The following ATP8B1 variants were observed in gnomAD, a reference collection of about 807,000 sequenced individuals.
The protein encoded by ATP8B1 is phospholipid-transporting ATPase IC.
A neutral mutation model predicts 149.9 loss-of-function variants in ATP8B1; 80 were observed. The observed-to-expected ratio is 0.53, with a 90% CI of 0.45 to 0.64. ATP8B1 has a LOEUF of 0.64. ATP8B1 is among the 30% of genes least tolerant of loss of function. The pLI, the probability that ATP8B1 is intolerant of heterozygous loss-of-function variation, is 0.00. For missense variants in ATP8B1, 1,247 were observed against 1,552.6 expected (o/e 0.80, Z 3.31); for synonymous variants, 536 against 562.8 (o/e 0.95, Z 0.67).
Position 57,648,647 on chromosome 18 carries a change from G to A in ATP8B1, c.3597C>T (p.Arg1199=). Residue 1199 remains arginine (R), a synonymous_variant, in exon 28 of 28, where the codon CGC becomes CGT. Transcript: ENST00000648908. ...EQWQRRQQVF[R]RGVSTRRSAY... ...CCGAGCGCCGCGTTGACACGCCCCGGCGGAACACCTGCTGCCGTCGCTGCC... is the reference window on the plus strand; with the variant it reads ...CCGAGCGCCGCGTTGACACGCCCCGACGGAACACCTGCTGCCGTCGCTGCC... 1 of 1,592,856 alleles carries A rather than the reference G, an allele frequency of 6.3e-7. No homozygotes were observed.
At chr18:57,662,238 A>C (rs1366646635) in intron 21 of ATP8B1, among the ~76,000 whole-genome samples, 1 of 152,248 alleles carries the variant, frequency 6.6e-6, no homozygotes, top group African/African-American at 2.4e-5. Flanking sequence ...AAAATCTAAC[A>C]ATCTATAAAG....
Position 57,685,120 on chromosome 18 carries a change from GAAAC to G in ATP8B1, c.1430-9_1430-6del. 3 of 1,614,144 alleles carry G rather than the reference GAAAC, an allele frequency of 1.9e-6. No individual in the cohort carries two copies. The African/African-American group carries it at 4.0e-5, about 22-fold the overall frequency. On this transcript the variant is annotated splice_polypyrimidine_tract_variant and splice_region_variant and intron_variant, in intron 13 of 27. Coordinates refer to ENST00000648908, the MANE Select transcript of ATP8B1 (RefSeq NM_001374385.1). ...GAGAGGCATCCCGATGGTCCCCTGA[GAAAC>G]AAACAGGACAAAACAAATTGATTCT...
intron 6 of ATP8B1, among the ~76,000 whole-genome samples, chr18:57,699,033 G>T (rs973064577): frequency 6.6e-6 from 1 of 152,160 alleles, no homozygotes; most frequent in African/African-American, 2.4e-5. Flanking sequence ...TTAAATTAAC[G>T]TAGTCAACTG....
At chr18:57,651,905 A>C in intron 26 of ATP8B1, 129 bp downstream of exon 26, 1 of 1,206,912 alleles carries the variant, frequency 8.3e-7, no homozygotes, top group Non-Finnish European at 1.2e-6. Flanking sequence ...AAATGCTGGG[A>C]TTACAGGTGT....
At chr18:57,732,365 GTA>G (rs373040636) in intron 1 of ATP8B1, among the ~76,000 whole-genome samples, 7 of 132,772 alleles carry the variant, frequency 5.3e-5, no homozygotes, top group African/African-American at 7.9e-5. Context: ...GTATATATAT[GTA>G]TATATATATT....
chr18:57,652,788 T>A, intron 24 of ATP8B1, 59 bp from the exon 25 acceptor site: 1 of 1,608,872 alleles, frequency 6.2e-7, no homozygotes, highest in South Asian at 1.1e-5. Flanking sequence ...GTCAGAGATA[T>A]GTTATAATTA....
chr18:57,743,566 C>T (rs2079938293), intron 1 of ATP8B1, among the ~76,000 whole-genome samples: 1 of 151,978 alleles, frequency 6.6e-6, no homozygotes, highest in East Asian at 1.9e-4. Context: ...ACCTGGGAGT[C>T]ACAGAGGTGA....
intron 1 of ATP8B1, among the ~76,000 whole-genome samples, chr18:57,768,586 C>CA (rs5825235): frequency 0.015 from 1,486 of 96,930 alleles, 85 homozygotes; most frequent in African/African-American, 0.042. Context: ...GTTTACATGC[C>CA]AAAAAAAAAA....
intron 1 of ATP8B1, among the ~76,000 whole-genome samples, chr18:57,736,579 G>C (rs2079858139): frequency 6.7e-6 from 1 of 148,350 alleles, no homozygotes; most frequent in Non-Finnish European, 1.5e-5. Flanking sequence ...TCCTACCTCA[G>C]CATCCCAAGT....
At chr18:57,653,449 C>G (rs1231479132) in intron 24 of ATP8B1, among the ~76,000 whole-genome samples, 2 of 151,590 alleles carry the variant, frequency 1.3e-5, no homozygotes, top group Admixed American at 6.6e-5. Flanking sequence ...ACCATGCCCA[C>G]AATTTTTAAA....
chr18:57,661,504 T>C, intron 21 of ATP8B1, 42 bp from the exon 22 acceptor site: 1 of 1,598,418 alleles, frequency 6.3e-7, no homozygotes, highest in South Asian at 1.1e-5. Context: ...CACTTTAGTT[T>C]TACCCCAGGA....
intron 1 of ATP8B1, among the ~76,000 whole-genome samples, chr18:57,759,155 CAAAAAAAAAAAA>C (rs566728161): frequency 0.1 from 11,106 of 106,342 alleles, 593 homozygotes; most frequent in Non-Finnish European, 0.11. Flanking sequence ...GATTCCATCT[CAAAAAAAAAAAA>C]AAAAAAAAAA....
intron 1 of ATP8B1, among the ~76,000 whole-genome samples, chr18:57,744,952 G>T (rs958572590): frequency 6.6e-6 from 1 of 152,120 alleles, no homozygotes; most frequent in Non-Finnish European, 1.5e-5. Context: ...AGTAGAAGAG[G>T]CAGATAAGTA....
At chr18:57,767,527 C>T (rs2080222600) in intron 1 of ATP8B1, among the ~76,000 whole-genome samples, 1 of 152,138 alleles carries the variant, frequency 6.6e-6, no homozygotes, top group Non-Finnish European at 1.5e-5. Flanking sequence ...GTGGCTCATG[C>T]CTGTAATGCC....
chr18:57,671,335 G>T, intron 17 of ATP8B1, 133 bp downstream of exon 17: 1 of 799,284 alleles, frequency 1.3e-6, no homozygotes, highest in Non-Finnish European at 2.1e-6. Flanking sequence ...CTACTTTACT[G>T]CTCTTTCCAC....
chr18:57,777,234 T>C (rs1297736103), intron 1 of ATP8B1, among the ~76,000 whole-genome samples: 1 of 152,186 alleles, frequency 6.6e-6, no homozygotes, highest in East Asian at 1.9e-4. Context: ...CGGCTCAGCA[T>C]CTGAAAGTGC....
At chr18:57,711,585 G>T (rs908780419) in intron 2 of ATP8B1, among the ~76,000 whole-genome samples, 1 of 152,122 alleles carries the variant, frequency 6.6e-6, no homozygotes, top group Admixed American at 6.5e-5. Flanking sequence ...ACTGGTAACC[G>T]TAATTTCTTT....
chr18:57,746,516 C>CA (rs1193868415), intron 1 of ATP8B1, among the ~76,000 whole-genome samples: 1 of 145,340 alleles, frequency 6.9e-6, no homozygotes, highest in African/African-American at 2.6e-5. Context: ...CTCTGTCTCC[C>CA]AGGCTGGAGT....
intron 6 of ATP8B1, among the ~76,000 whole-genome samples, chr18:57,700,466 C>A (rs1001649988): frequency 6.6e-6 from 1 of 152,016 alleles, no homozygotes; most frequent in Non-Finnish European, 1.5e-5. Flanking sequence ...ATGTGAAAAT[C>A]TTTAAAACAA....
Sources: allele counts gnomAD v4.1 joint callset (sites outside exome capture counted in the v4.1 genomes callset), GRCh38; gene constraint gnomAD v4.1.1; transcripts MANE v1.5; gene names NCBI Gene and HGNC (gene_info 2026-07-23, HGNC 2026-07-21).